The following SPEF2 variants were observed in gnomAD, a reference collection of about 807,000 sequenced individuals.
The protein encoded by SPEF2 is sperm flagella and cilia-associated protein 2.
In SPEF2, 187 loss-of-function variants were observed where a neutral mutation model predicts 224.6. That is an observed-to-expected ratio of 0.83 (90% CI 0.74 to 0.94). The LOEUF (loss-of-function observed/expected upper bound fraction) is 0.94, where lower values mean the gene tolerates loss of function less well. Ranked by LOEUF, SPEF2 falls within the 40% of genes least tolerant of loss-of-function variation. The pLI, the probability that SPEF2 is intolerant of heterozygous loss-of-function variation, is 0.00. For missense variants in SPEF2, 2,170 were observed against 2,135.6 expected (o/e 1.02, Z -0.32); for synonymous variants, 715 against 707.3 (o/e 1.01, Z -0.17).
chr5:35,660,936 T>C (rs574184245), intron 8 of SPEF2, among the ~76,000 whole-genome samples: 1 of 152,160 alleles, frequency 6.6e-6, no homozygotes, highest in Admixed American at 6.5e-5. Flanking sequence ...GAAAAAATTA[T>C]ATTTCTTCCT....
intron 13 of SPEF2, among the ~76,000 whole-genome samples, chr5:35,695,313 A>G (rs925931233): frequency 5.3e-5 from 8 of 151,230 alleles, no homozygotes; most frequent in African/African-American, 1.9e-4. Flanking sequence ...TCTGACTTCT[A>G]GAGTCATCTG....
intron 20 of SPEF2, among the ~76,000 whole-genome samples, chr5:35,725,723 ATTTC>A (rs1744527609): frequency 1.3e-5 from 2 of 152,188 alleles, no homozygotes; most frequent in South Asian, 2.1e-4. Flanking sequence ...GTCTTTGATT[ATTTC>A]TTTATTTATA....
intron 34 of SPEF2, among the ~76,000 whole-genome samples, chr5:35,804,179 T>C (rs1425215415): frequency 6.6e-6 from 1 of 152,212 alleles, no homozygotes; most frequent in East Asian, 1.9e-4. Context: ...ACCAGACCTC[T>C]GTGCTGCCAT....
intron 10 of SPEF2, among the ~76,000 whole-genome samples, chr5:35,674,332 GTCT>G (rs1316977407): frequency 3.0e-5 from 3 of 99,992 alleles, no homozygotes; most frequent in African/African-American, 4.0e-5. Context: ...TTCTCTTTTC[GTCT>G]TCTTTTTTTT....
At chr5:35,794,410 G>C (rs949507705) in intron 32 of SPEF2, among the ~76,000 whole-genome samples, 1 of 151,848 alleles carries the variant, frequency 6.6e-6, no homozygotes, top group Non-Finnish European at 1.5e-5. Flanking sequence ...TTTTGAGAGA[G>C]CTCTGAGGTT....
chr5:35,619,213 A>T (rs1031490311), intron 1 of SPEF2, among the ~76,000 whole-genome samples: 1 of 152,148 alleles, frequency 6.6e-6, no homozygotes, highest in East Asian at 1.9e-4. Context: ...TGTGTCTCCA[A>T]CTGTTTATTT....
intron 25 of SPEF2, among the ~76,000 whole-genome samples, chr5:35,762,702 C>T (rs909621285): frequency 2.6e-5 from 4 of 152,180 alleles, no homozygotes; most frequent in South Asian, 4.1e-4. Flanking sequence ...GCCCTTTGCA[C>T]TTTCTATTAC....
intron 26 of SPEF2, 151 bp downstream of exon 26, chr5:35,763,853 G>C: frequency 1.4e-6 from 1 of 701,584 alleles, no homozygotes. Flanking sequence ...AAGAAATAGA[G>C]AAATGTGATT....
intron 21 of SPEF2, among the ~76,000 whole-genome samples, chr5:35,730,094 A>G (rs1745385373): frequency 6.6e-6 from 1 of 152,216 alleles, no homozygotes; most frequent in Non-Finnish European, 1.5e-5. Context: ...CCTGTACTTT[A>G]TCTGGTAACC....
chr5:35,656,353 A>C (rs1230209077), intron 7 of SPEF2, among the ~76,000 whole-genome samples: 1 of 152,196 alleles, frequency 6.6e-6, no homozygotes, highest in African/African-American at 2.4e-5. Context: ...TTTCTTAGTG[A>C]AAGTTCAGAA....
chr5:35,637,403 C>A (rs936846116), intron 2 of SPEF2, among the ~76,000 whole-genome samples: 1 of 152,192 alleles, frequency 6.6e-6, no homozygotes, highest in African/African-American at 2.4e-5. Flanking sequence ...TAACCTGATA[C>A]TTCCTGCTTA....
intron 27 of SPEF2, among the ~76,000 whole-genome samples, chr5:35,772,648 GAAGGAAAGGGAAGAGT>G (rs1753023970): frequency 6.6e-6 from 1 of 152,098 alleles, no homozygotes; most frequent in South Asian, 2.1e-4. Context: ...AGTGGCACTT[GAAGGAAAGGGAAGAGT>G]ATTACCTCAA....
At chr5:35,634,675 T>G (rs960227769) in intron 2 of SPEF2, among the ~76,000 whole-genome samples, 5 of 152,108 alleles carry the variant, frequency 3.3e-5, no homozygotes, top group African/African-American at 4.8e-5. Context: ...CTCTGAGGCT[T>G]TGTTCATTGT....
chr5:35,782,353 A>AAAACATTTTCCTATATTATTTC (rs1452981906), intron 30 of SPEF2, among the ~76,000 whole-genome samples: 2 of 152,244 alleles, frequency 1.3e-5, no homozygotes, highest in Non-Finnish European at 2.9e-5. Context: ...CCAAGAAATA[A>AAAACATTTTCCTATATTATTTC]AAACATTTTC....
chr5:35,727,905 C>G (rs1744948302), intron 21 of SPEF2, 82 bp downstream of exon 21: 1 of 1,457,892 alleles, frequency 6.9e-7, no homozygotes, highest in African/African-American at 1.4e-5. Flanking sequence ...TTGCAACATC[C>G]TGAAGGCCTT....
At chr5:35,789,437 G>A in intron 30 of SPEF2, 1 of 684,448 alleles carries the variant, frequency 1.5e-6, no homozygotes, top group Non-Finnish European at 2.7e-6. Flanking sequence ...GAAATTATCT[G>A]CCAGATGTTT....
At chr5:35,757,632 GT>G (rs1561315749) in intron 24 of SPEF2, among the ~76,000 whole-genome samples, 1 of 152,040 alleles carries the variant, frequency 6.6e-6, no homozygotes, top group Non-Finnish European at 1.5e-5. Context: ...TTTCTCCTCT[GT>G]TTTACCAAAC....
At chr5:35,766,035 C>T (rs1354927171) in intron 26 of SPEF2, among the ~76,000 whole-genome samples, 1 of 151,930 alleles carries the variant, frequency 6.6e-6, no homozygotes, top group Non-Finnish European at 1.5e-5. Flanking sequence ...TTTGTTAATA[C>T]TTTGTTTAGA....
chr5:35,788,232 T>A, intron 30 of SPEF2: 1 of 702,864 alleles, frequency 1.4e-6, no homozygotes, highest in East Asian at 2.7e-5. Context: ...AAAGTAACCC[T>A]CGGGAGAGTA....
Sources: allele counts gnomAD v4.1 joint callset (sites outside exome capture counted in the v4.1 genomes callset), GRCh38; gene constraint gnomAD v4.1.1; transcripts MANE v1.5; gene names NCBI Gene and HGNC (gene_info 2026-07-23, HGNC 2026-07-21).